Variants in ERP44 observed in about 807,000 individuals in gnomAD.
ERP44 encodes endoplasmic reticulum protein 44.
ERP44 carries 25 observed loss-of-function variants against 53.4 expected under a neutral mutation model. The observed-to-expected ratio is 0.47, with a 90% CI of 0.34 to 0.65. The LOEUF is 0.65. ERP44 is among the 30% of genes least tolerant of loss of function. The pLI, the probability that ERP44 is intolerant of heterozygous loss-of-function variation, is 0.01. For synonymous variants in ERP44, 145 were observed against 161.2 expected, an observed-to-expected ratio of 0.90 and a Z score of 0.76; for missense variants, 338 against 493.2, an observed-to-expected ratio of 0.69 and a Z score of 2.98.
At chr9:100,067,854 G>A (rs1383985961) in intron 1 of ERP44, among the ~76,000 whole-genome samples, 1 of 151,312 alleles carries the variant, frequency 6.6e-6, no homozygotes, top group African/African-American at 2.4e-5. Context: ...CCCCGTCTGA[G>A]AAGTGAGGAG....
intron 1 of ERP44, among the ~76,000 whole-genome samples, chr9:100,071,093 G>GTTTTTTT (rs34853838): frequency 2.5e-5 from 3 of 119,570 alleles, no homozygotes; most frequent in African/African-American, 6.5e-5. Context: ...ATTATATAAG[G>GTTTTTTT]TTTTTTTTTT....
At chr9:100,094,801 A>G (rs1417220974) in intron 1 of ERP44, among the ~76,000 whole-genome samples, 1 of 112,106 alleles carries the variant, frequency 8.9e-6, no homozygotes, top group Non-Finnish European at 1.9e-5. Context: ...TGTCTCTACA[A>G]AAATTAAAAA....
chr9:99,981,018 T>C lies in ERP44; in HGVS notation c.*1594A>G, dbSNP rs1830143412. On this transcript the variant is annotated 3_prime_UTR_variant, in exon 12 of 12. Transcript: ENST00000262455. ...GCTCTTGGTCCTGTGTGCTACCTTG[T>C]TGAATGTGAATTTCCATGCTGACCC... The C allele has an allele frequency of 6.6e-6, 1 of 152,248 alleles. No individual in the cohort carries two copies. Among genetic ancestry groups the C allele is most frequent in the Admixed American group, 6.5e-5 (1 of 15,278 alleles). 9.4% of individuals were successfully genotyped at this position (152,248 alleles called of 1,614,324 possible). A position where few individuals can be genotyped will look rare whatever the true frequency, so the allele number is the denominator to read the frequency against.
At chr9:100,047,874 A>G (rs1825991940) in intron 4 of ERP44, among the ~76,000 whole-genome samples, 1 of 152,190 alleles carries the variant, frequency 6.6e-6, no homozygotes, top group South Asian at 2.1e-4. Flanking sequence ...AACTCCTACA[A>G]CTCAACATCA....
chr9:100,076,992 T>A (rs1214635964), intron 1 of ERP44, among the ~76,000 whole-genome samples: 1 of 152,198 alleles, frequency 6.6e-6, no homozygotes, highest in Non-Finnish European at 1.5e-5. Context: ...AGTGCCCAGT[T>A]TGCCAGCAGC....
chr9:100,016,201 T>C, intron 8 of ERP44, 121 bp downstream of exon 8: 1 of 1,418,112 alleles, frequency 7.1e-7, no homozygotes, highest in Non-Finnish European at 9.3e-7. Flanking sequence ...TATGATATAG[T>C]TATGTTCACT....
chr9:100,058,612 T>A (rs1181772798), intron 2 of ERP44, among the ~76,000 whole-genome samples: 2 of 152,230 alleles, frequency 1.3e-5, no homozygotes, highest in African/African-American at 4.8e-5. Flanking sequence ...ACAAGTAATC[T>A]ACAACTAATA....
At chr9:100,059,495 G>A (rs1431760511) in intron 2 of ERP44, among the ~76,000 whole-genome samples, 1 of 152,100 alleles carries the variant, frequency 6.6e-6, no homozygotes, top group Admixed American at 6.5e-5. Context: ...AGACCAGCCT[G>A]GGCAACATAG....
intron 1 of ERP44, among the ~76,000 whole-genome samples, chr9:100,096,813 C>A (rs1026417145): frequency 1.3e-5 from 2 of 152,040 alleles, no homozygotes; most frequent in Non-Finnish European, 2.9e-5. Flanking sequence ...GAAAAAAGTA[C>A]ACGGGGGAAC....
At chr9:100,056,983 C>T (rs1826093632) in intron 3 of ERP44, among the ~76,000 whole-genome samples, 2 of 152,162 alleles carry the variant, frequency 1.3e-5, no homozygotes, top group Non-Finnish European at 2.9e-5. Context: ...AGAAAGATAA[C>T]TCTGGCTTAC....
At chr9:100,045,542 T>A (rs144749479) in intron 4 of ERP44, among the ~76,000 whole-genome samples, 146 of 152,272 alleles carry the variant, frequency 9.6e-4, no homozygotes, top group African/African-American at 3.4e-3. Context: ...AAAGAACATG[T>A]CTAAAATCAA....
intron 10 of ERP44, among the ~76,000 whole-genome samples, chr9:100,002,370 G>T (rs1045874396): frequency 2.0e-5 from 3 of 152,054 alleles, no homozygotes; most frequent in African/African-American, 7.2e-5. Context: ...ATACTTTCAC[G>T]TTTTCATGTT....
In ERP44 at chr9:100,035,388, A is replaced by T. The variant is rs76879988; in HGVS notation, c.287-13162T>A. On this transcript the variant is annotated intron_variant, in intron 4 of 11. Coordinates refer to ENST00000262455, the MANE Select transcript of ERP44 (RefSeq NM_015051.3). ...TATTAAATCAATAAACAAAACACGA[A>T]TAACCCCATTAAAAAGTAGGCAAAG... 6.8e-4 allele frequency among the ~76,000 whole-genome samples: 104 copies of T among 152,288 alleles called. 2 individuals carry two copies. In the East Asian group the frequency reaches 0.016, roughly 23 times the overall value.
chr9:100,036,578 C>T (rs1284897828), intron 4 of ERP44, among the ~76,000 whole-genome samples: 3 of 152,106 alleles, frequency 2.0e-5, no homozygotes, highest in South Asian at 2.1e-4. Flanking sequence ...TGCAGTTATA[C>T]CCCAAATCTC....
At chr9:99,991,374 A>T (rs1212993239) in intron 10 of ERP44, among the ~76,000 whole-genome samples, 1 of 152,030 alleles carries the variant, frequency 6.6e-6, no homozygotes, top group Non-Finnish European at 1.5e-5. Context: ...ACTCAAAACC[A>T]CACAACTAAA....
At chr9:100,048,657 A>G (rs1351683439) in intron 4 of ERP44, among the ~76,000 whole-genome samples, 4 of 152,216 alleles carry the variant, frequency 2.6e-5, no homozygotes, top group Non-Finnish European at 4.4e-5. Context: ...ATCGTGGTAT[A>G]TACATACCAC....
intron 9 of ERP44, 88 bp downstream of exon 9, chr9:100,007,489 AT>A: frequency 1.4e-6 from 1 of 729,702 alleles, no homozygotes; most frequent in South Asian, 1.6e-5. Context: ...TGTTTATGTG[AT>A]TTGACAGAAA....
In ERP44 at chr9:99,991,044, T is replaced by TA. The variant is rs202043528; in HGVS notation, c.1017-5976dup. Among the ~76,000 whole-genome samples, 1,265 of 150,906 alleles carry TA rather than the reference T, an allele frequency of 8.4e-3. 20 individuals carry two copies. The highest frequency in any genetic ancestry group is 0.029 in the African/African-American group (1,199 of 41,194). ...GTCCTTAGAGACCTACAAAGAGACT[T>TA]AGACTCCCACACAATAATAATGGGA... On this transcript the variant is annotated intron_variant, in intron 10 of 11. Transcript: ENST00000262455.
chr9:100,063,088 A>AAAAAAAAAAAAAAAAAAAAAAAAAAC (rs1225608653), intron 1 of ERP44, among the ~76,000 whole-genome samples: 1 of 148,828 alleles, frequency 6.7e-6, no homozygotes, highest in Non-Finnish European at 1.5e-5. Flanking sequence ...AAAAAAAAAA[A>AAAAAAAAAAAAAAAAAAAAAAAAAAC]AAAAAGAGAG....
Sources: gnomAD v4.1 joint callset for allele counts (sites outside exome capture counted in the v4.1 genomes callset) on GRCh38, gnomAD v4.1.1 for gene constraint, MANE v1.5 for transcripts, NCBI Gene and HGNC (gene_info 2026-07-23, HGNC 2026-07-21) for gene names.